The following SCARB2 variants were observed in gnomAD, a reference collection of about 807,000 sequenced individuals.
SCARB2 encodes the protein lysosome membrane protein 2.
In SCARB2, 29 loss-of-function variants were observed where a neutral mutation model predicts 58.6. The observed-to-expected ratio is 0.49, with a 90% CI of 0.37 to 0.67. The LOEUF is 0.67. Ranked by LOEUF, SCARB2 falls within the 30% of genes least tolerant of loss-of-function variation. The pLI is 0.00. For synonymous variants in SCARB2, 195 were observed against 210.1 expected (o/e 0.93, Z 0.62); for missense variants, 488 against 578.5 (o/e 0.84, Z 1.60).
At position 76,161,583 on chromosome 4, in the gene SCARB2, C is replaced by CA; in HGVS notation, c.*129dup. On this transcript the variant is annotated 3_prime_UTR_variant, in exon 12 of 12. Transcript: ENST00000264896. ...TAACCTCTGGCCAGAATGTTCCTATCACTTGCCAGCGCCGTGTCTTTTTCC... is the reference window on the plus strand; with the variant it reads ...TAACCTCTGGCCAGAATGTTCCTATCAACTTGCCAGCGCCGTGTCTTTTTCC... The CA allele has an allele frequency of 1.1e-6, 1 of 933,394 alleles. No individual in the cohort carries two copies. Among genetic ancestry groups the CA allele is most frequent in the Non-Finnish European group, 1.8e-6 (1 of 568,458 alleles). The allele number at this position is 933,394 out of a possible 1,614,324, so 57.8% of individuals were successfully genotyped here.
At chr4:76,167,668 T>TTCC (rs1732037026) in intron 9 of SCARB2, among the ~76,000 whole-genome samples, 1 of 24,476 alleles carries the variant, frequency 4.1e-5, no homozygotes, top group Non-Finnish European at 7.8e-5. Flanking sequence ...TTTCCCTCCC[T>TTCC]CCCTCCCCCC....
intron 7 of SCARB2, among the ~76,000 whole-genome samples, chr4:76,171,323 CA>C: frequency 6.6e-6 from 1 of 151,942 alleles, no homozygotes; most frequent in East Asian, 1.9e-4. Context: ...AACTCTCACA[CA>C]ACCTCAAGAA....
intron 1 of SCARB2, among the ~76,000 whole-genome samples, chr4:76,204,614 T>C (rs1428561464): frequency 2.0e-5 from 3 of 152,068 alleles, no homozygotes; most frequent in Non-Finnish European, 2.9e-5. Flanking sequence ...AACTTAAACA[T>C]AGAACCAGGT....
At position 76,179,047 on chromosome 4, in the gene SCARB2, GTTTTTGT is replaced by G. The variant is rs1560709936; in HGVS notation, c.612+463_612+469del. On this transcript the variant is annotated intron_variant, in intron 4 of 11. Transcript: ENST00000264896. ...CTCCAGGGTTTTTGTTTTTGTTTTT[GTTTTTGT>G]TTTTTTTTTGGCTTTTTTAGACAGA... The G allele has an allele frequency of 3.9e-5, 6 of 155,050 alleles. 1 individual carries two copies. The South Asian group carries it at 7.8e-4, about 20-fold the overall frequency. The allele number at this position is 155,050 out of a possible 1,614,324, so 9.6% of individuals were successfully genotyped here. A position where few individuals can be genotyped will look rare whatever the true frequency, so the allele number is the denominator to read the frequency against.
At chr4:76,195,958 C>G in intron 1 of SCARB2, 94 bp from the exon 2 acceptor site, 1 of 819,626 alleles carries the variant, frequency 1.2e-6, no homozygotes, top group Non-Finnish European at 1.9e-6. Context: ...CTATTCTGAC[C>G]TCCTAGATCA....
At chr4:76,234,087 C>G (rs12331583) in intron 1 of SCARB2, among the ~76,000 whole-genome samples, 24,045 of 152,190 alleles carry the variant, frequency 0.16, 1,977 homozygotes, top group African/African-American at 0.21. Context: ...CAGCCAGCTG[C>G]CCGCGGCACC....
chr4:76,194,522 AC>A (rs1394150521), intron 2 of SCARB2: 2 of 152,176 alleles, frequency 1.3e-5, no homozygotes, highest in Non-Finnish European at 2.9e-5. Context: ...GAGCATGAGC[AC>A]CCAAGGCAGG....
intron 2 of SCARB2, among the ~76,000 whole-genome samples, chr4:76,186,702 G>A (rs970287442): frequency 2.0e-5 from 3 of 152,190 alleles, no homozygotes; most frequent in African/African-American, 7.2e-5. Flanking sequence ...ATAGGCTCAC[G>A]TAGGCAATTC....
rs114603584 is a variant in SCARB2 at position 76,203,772 on chromosome 4, C to T, written c.118-7908G>A. On this transcript the variant is annotated intron_variant, in intron 1 of 11. Coordinates refer to ENST00000264896, the MANE Select transcript of SCARB2 (RefSeq NM_005506.4). ...ACACTGACATGACTTAATACAGCCA[C>T]AACCCAAGTCAGCCTAACAGCAATC... Among the ~76,000 whole-genome samples, 1,388 of 152,274 alleles carry T rather than the reference C, an allele frequency of 9.1e-3. 33 individuals are homozygous for T. The highest frequency in any genetic ancestry group is 0.032 in the African/African-American group (1,326 of 41,556).
At chr4:76,180,014 G>T (rs1023967244) in intron 3 of SCARB2, 5 of 407,488 alleles carry the variant, frequency 1.2e-5, no homozygotes, top group Non-Finnish European at 2.3e-5. Flanking sequence ...TGGCCACAAG[G>T]TGGCGCTACC....
intron 2 of SCARB2, among the ~76,000 whole-genome samples, chr4:76,184,024 C>T (rs1248120359): frequency 6.6e-6 from 1 of 152,216 alleles, no homozygotes; most frequent in African/African-American, 2.4e-5. Flanking sequence ...ACACTAAGCA[C>T]CAAGCTATGC....
Position 76,195,732 on chromosome 4 carries a change from C to T in SCARB2, c.250G>A (p.Glu84Lys). ...CTGTAGGTGTATGGCCCCACTTCTT[C>T]CACCCGAGGGGTCTCCCCTCTGAGG... ...EILRGETPRV[E>K]EVGPYTYREL... The change falls in exon 2 of 12, where the codon GAA (glutamate) becomes AAA (lysine). Residue 84 changes from glutamate to lysine, a missense_variant. Coordinates refer to ENST00000264896, the MANE Select transcript of SCARB2 (RefSeq NM_005506.4). The T allele has an allele frequency of 1.2e-6, 2 of 1,614,014 alleles. No individual in the cohort carries two copies. Among genetic ancestry groups the T allele is most frequent in the Non-Finnish European group, 1.7e-6 (2 of 1,179,930 alleles).
At chr4:76,205,503 A>G (rs1246200389) in intron 1 of SCARB2, among the ~76,000 whole-genome samples, 5 of 152,192 alleles carry the variant, frequency 3.3e-5, no homozygotes, top group African/African-American at 1.2e-4. Context: ...ATCTATATGT[A>G]TATCTCTCTC....
upstream of SCARB2, among the ~76,000 whole-genome samples, chr4:76,214,817 A>C (rs1185571591): frequency 6.6e-6 from 1 of 152,232 alleles, no homozygotes; most frequent in Non-Finnish European, 1.5e-5. Context: ...AGTCCTCCAG[A>C]AACAGTCCCA....
At chr4:76,218,416 C>T (rs1174175437), upstream of SCARB2, among the ~76,000 whole-genome samples, 1 of 152,210 alleles carries the variant, frequency 6.6e-6, no homozygotes, top group Non-Finnish European at 1.5e-5. Context: ...CAGAGGAGAG[C>T]TCATATACCA....
At chr4:76,175,656 C>A in intron 6 of SCARB2, 135 bp downstream of exon 6, 1 of 1,033,314 alleles carries the variant, frequency 9.7e-7, no homozygotes. Flanking sequence ...TCTCGATGTG[C>A]CATCAGCATT....
chr4:76,212,953 C>A (rs1733087920), intron 1 of SCARB2, among the ~76,000 whole-genome samples: 1 of 152,234 alleles, frequency 6.6e-6, no homozygotes. Context: ...ACTGCCCCTG[C>A]CCAGCCCAAG....
intron 2 of SCARB2, among the ~76,000 whole-genome samples, chr4:76,189,753 T>A (rs1201216897): frequency 6.6e-6 from 1 of 152,128 alleles, no homozygotes; most frequent in Non-Finnish European, 1.5e-5. Context: ...AATATAGGCA[T>A]CAGCCACCAC....
Position 76,195,575 on chromosome 4 carries a change from G to A in SCARB2, c.275+132C>T, listed in dbSNP as rs17001619. 5,115 of 771,388 alleles carry A rather than the reference G, an allele frequency of 6.6e-3. 167 individuals are homozygous for A. The African/African-American group carries it at 0.074, about 11-fold the overall frequency. 47.8% of individuals were successfully genotyped at this position (771,388 alleles called of 1,614,324 possible). On this transcript the variant is annotated intron_variant, in intron 2 of 11. Transcript: ENST00000264896. ...CACACACATACAAAACATCAGCAGC[G>A]TTTCAGACAATGAAATCAGAAAGTG...
Sources: gnomAD v4.1 joint callset for allele counts (sites outside exome capture counted in the v4.1 genomes callset) on GRCh38, gnomAD v4.1.1 for gene constraint, MANE v1.5 for transcripts, NCBI Gene and HGNC (gene_info 2026-07-23, HGNC 2026-07-21) for gene names.